MCTP1: variants seen among roughly 807,000 people sequenced by gnomAD.
The protein encoded by MCTP1 is multiple C2 and transmembrane domain-containing protein 1.
Under a neutral mutation model 120.6 loss-of-function variants are expected in MCTP1, and 69 were observed. That is an observed-to-expected ratio of 0.57 (90% CI 0.47 to 0.70). The LOEUF is 0.70. Among genes scored for constraint, MCTP1 ranks in the 30% least tolerant of loss-of-function variants. The pLI, the probability that MCTP1 is intolerant of heterozygous loss-of-function variation, is 0.00. For missense variants in MCTP1, 1,203 were observed against 1,248.8 expected (o/e 0.96, Z 0.55); for synonymous variants, 529 against 493.1 (o/e 1.07, Z -0.96).
At chr5:95,123,651 CTTTTTT>C (rs67736041) in intron 1 of MCTP1, among the ~76,000 whole-genome samples, 14 of 145,398 alleles carry the variant, frequency 9.6e-5, no homozygotes, top group South Asian at 2.2e-4. Flanking sequence ...ACAAGCTCTG[CTTTTTT>C]TTTTTTTTTT....
At chr5:95,154,773 C>T (rs1046666342) in intron 1 of MCTP1, among the ~76,000 whole-genome samples, 6 of 151,726 alleles carry the variant, frequency 4.0e-5, no homozygotes, top group Admixed American at 6.6e-5. Flanking sequence ...TATAATATAC[C>T]TTTCATAATA....
chr5:95,072,081 C>CTGTGTATGTGTGTG (rs1554200143), intron 1 of MCTP1, among the ~76,000 whole-genome samples: 1 of 143,784 alleles, frequency 7.0e-6, no homozygotes, highest in Non-Finnish European at 1.5e-5. Flanking sequence ...GCCAATTTTC[C>CTGTGTATGTGTGTG]TGTGTGTGTG....
At chr5:94,917,633 C>G (rs1810416578) in intron 8 of MCTP1, among the ~76,000 whole-genome samples, 1 of 152,034 alleles carries the variant, frequency 6.6e-6, no homozygotes, top group African/African-American at 2.4e-5. Flanking sequence ...ATCAAGACAC[C>G]AGGTAACAAT....
chr5:95,218,436 G>T (rs1056526333), intron 1 of MCTP1, among the ~76,000 whole-genome samples: 5 of 152,108 alleles, frequency 3.3e-5, no homozygotes, highest in African/African-American at 1.2e-4. Flanking sequence ...GCTTCAACTA[G>T]TAATCTGGGA....
chr5:95,176,183 A>G (rs1167364993), intron 1 of MCTP1, among the ~76,000 whole-genome samples: 1 of 152,154 alleles, frequency 6.6e-6, no homozygotes, highest in Non-Finnish European at 1.5e-5. Context: ...TTTAACAAAT[A>G]TTTGTTTAGT....
chr5:95,202,655 T>G (rs1562233460), intron 1 of MCTP1, among the ~76,000 whole-genome samples: 1 of 152,156 alleles, frequency 6.6e-6, no homozygotes, highest in Non-Finnish European at 1.5e-5. Flanking sequence ...TTCTCCTAAG[T>G]TTTGTCTTTT....
At chr5:95,201,473 T>TG (rs1562232174) in intron 1 of MCTP1, among the ~76,000 whole-genome samples, 2 of 5,142 alleles carry the variant, frequency 3.9e-4, no homozygotes, top group African/African-American at 6.8e-4. Flanking sequence ...GGTTTTTTTT[T>TG]TTTTTTTTTT....
chr5:95,217,936 C>G (rs1039443052), intron 1 of MCTP1, among the ~76,000 whole-genome samples: 2 of 151,874 alleles, frequency 1.3e-5, no homozygotes, highest in South Asian at 2.1e-4. Context: ...TTAGATATAC[C>G]CCCCTGCCTC....
At chr5:95,276,251 ATTTTTTTTT>A (rs34667866) in intron 1 of MCTP1, among the ~76,000 whole-genome samples, 144 of 84,782 alleles carry the variant, frequency 1.7e-3, no homozygotes, top group African/African-American at 6.2e-3. Flanking sequence ...CAATATTGGG[ATTTTTTTTT>A]TTTTTTTTTT....
chr5:94,997,498 T>C lies in MCTP1; in HGVS notation c.838+19869A>G, dbSNP rs546267267. ...ATCTGGCCTCTCTTTGAGTTCATAT[T>C]CTGTACAACTCACGTGTACACACGT... On this transcript the variant is annotated intron_variant, in intron 2 of 22. Transcript: ENST00000515393. Among the ~76,000 whole-genome samples, 14 of 152,338 alleles carry C rather than the reference T, an allele frequency of 9.2e-5. No individual in the cohort carries two copies. In the South Asian group the frequency reaches 2.9e-3, roughly 32 times the overall value.
intron 1 of MCTP1, among the ~76,000 whole-genome samples, chr5:95,044,054 G>A (rs533288092): frequency 6.6e-6 from 1 of 152,296 alleles, no homozygotes; most frequent in African/African-American, 2.4e-5. Context: ...GTAGGAGTAT[G>A]GACTTCCTAT....
chr5:94,736,054 C>T (rs149619923), intron 19 of MCTP1, among the ~76,000 whole-genome samples: 14 of 152,308 alleles, frequency 9.2e-5, no homozygotes, highest in African/African-American at 3.4e-4. Flanking sequence ...TTACTTATTC[C>T]ATTCAAACTT....
At chr5:95,120,989 C>T (rs1162597085) in intron 1 of MCTP1, among the ~76,000 whole-genome samples, 1 of 152,032 alleles carries the variant, frequency 6.6e-6, no homozygotes, top group Non-Finnish European at 1.5e-5. Context: ...GGTAAAGTTG[C>T]AGGACATGGC....
chr5:94,925,820 G>A (rs1372223170), intron 6 of MCTP1, among the ~76,000 whole-genome samples: 2 of 152,138 alleles, frequency 1.3e-5, no homozygotes. Flanking sequence ...TCTGAAAGAT[G>A]AATTGTTAAA....
intron 10 of MCTP1, among the ~76,000 whole-genome samples, chr5:94,896,415 T>A (rs191637531): frequency 1.5e-3 from 226 of 152,258 alleles, no homozygotes; most frequent in African/African-American, 5.1e-3. Flanking sequence ...ACTCACTTTT[T>A]TTTTTCTTTT....
chr5:95,278,083 G>T (rs1759995354), intron 1 of MCTP1, among the ~76,000 whole-genome samples: 2 of 148,278 alleles, frequency 1.3e-5, no homozygotes, highest in South Asian at 2.1e-4. Context: ...CTGATATTCT[G>T]CCAGAAAAAA....
At chr5:94,864,613 A>C (rs796791552) in intron 17 of MCTP1, among the ~76,000 whole-genome samples, 3 of 152,060 alleles carry the variant, frequency 2.0e-5, no homozygotes, top group African/African-American at 4.8e-5. Flanking sequence ...AATGTGTAAA[A>C]TATCAAATGT....
At chr5:94,714,325 C>A (rs1438012094) in intron 20 of MCTP1, among the ~76,000 whole-genome samples, 2 of 151,862 alleles carry the variant, frequency 1.3e-5, no homozygotes, top group African/African-American at 4.8e-5. Context: ...AATATTTTTG[C>A]AGGGTACCAT....
chr5:94,942,246 A>C, intron 4 of MCTP1, 102 bp downstream of exon 4: 1 of 790,920 alleles, frequency 1.3e-6, no homozygotes, highest in Admixed American at 2.2e-5. Flanking sequence ...AAGGCTCACC[A>C]CTATAAATGA....
Sources: allele counts gnomAD v4.1 joint callset (sites outside exome capture counted in the v4.1 genomes callset), GRCh38; gene constraint gnomAD v4.1.1; transcripts MANE v1.5; gene names NCBI Gene and HGNC (gene_info 2026-07-23, HGNC 2026-07-21).